Variants in COL5A2 observed in about 807,000 individuals in gnomAD.
COL5A2 encodes collagen type V alpha 2 chain.
A neutral mutation model predicts 208.2 loss-of-function variants in COL5A2; 23 were observed. That is an observed-to-expected ratio of 0.11 (90% CI 0.08 to 0.16). The LOEUF is 0.16. Among genes scored for constraint, COL5A2 ranks in the 10% least tolerant of loss-of-function variants. The pLI is 1.00. For missense variants in COL5A2, 1,590 were observed against 1,956.4 expected (o/e 0.81, Z 3.53); for synonymous variants, 625 against 628.5 (o/e 0.99, Z 0.08).
chr2:189,252,931 A>C, the COL5A2 span, among the ~76,000 whole-genome samples: 1 of 152,206 alleles, frequency 6.6e-6, no homozygotes, highest in East Asian at 1.9e-4. Context: ...GACTCCAGCC[A>C]GATTATAAAG....
At chr2:189,165,737 T>C (rs950452954) in intron 1 of COL5A2, among the ~76,000 whole-genome samples, 6 of 152,142 alleles carry the variant, frequency 3.9e-5, no homozygotes, top group African/African-American at 1.2e-4. Flanking sequence ...TTGTTAACTG[T>C]GTATTGAAAG....
At chr2:189,413,402 T>G in the COL5A2 span, among the ~76,000 whole-genome samples, 1 of 152,048 alleles carries the variant, frequency 6.6e-6, no homozygotes, top group Admixed American at 6.6e-5. Context: ...AGTCAACCAG[T>G]AAATCACTGC....
At chr2:189,249,646 A>G in the COL5A2 span, among the ~76,000 whole-genome samples, 303 of 152,328 alleles carry the variant, frequency 2.0e-3, no homozygotes, top group African/African-American at 6.8e-3. Context: ...ACACCACTCA[A>G]TCCCAAACTG....
the COL5A2 span, among the ~76,000 whole-genome samples, chr2:189,421,342 C>A: frequency 6.6e-6 from 1 of 152,224 alleles, no homozygotes; most frequent in East Asian, 1.9e-4. Flanking sequence ...TTAATTTGAA[C>A]AACTATCCAC....
chr2:189,380,262 T>G, the COL5A2 span, among the ~76,000 whole-genome samples: 1 of 152,018 alleles, frequency 6.6e-6, no homozygotes, highest in East Asian at 1.9e-4. Flanking sequence ...TCTCCCTTAT[T>G]TGGGATGTAC....
At chr2:189,353,246 T>G in the COL5A2 span, among the ~76,000 whole-genome samples, 9 of 152,308 alleles carry the variant, frequency 5.9e-5, no homozygotes, top group African/African-American at 1.7e-4. Context: ...TTGTTCTTTT[T>G]GCTTAGGAAT....
intron 7 of COL5A2, among the ~76,000 whole-genome samples, chr2:189,090,762 T>A (rs1054003197): frequency 1.1e-4 from 16 of 152,196 alleles, no homozygotes; most frequent in African/African-American, 3.6e-4. Flanking sequence ...TAACAGCACA[T>A]CTGTTTACAG....
At chr2:189,212,585 G>A (rs1352817571) in intron 1 of COL5A2, among the ~76,000 whole-genome samples, 2 of 151,140 alleles carry the variant, frequency 1.3e-5, no homozygotes, top group Non-Finnish European at 2.9e-5. Context: ...GTTGCAGTGA[G>A]CCGAGATCGT....
the COL5A2 span, among the ~76,000 whole-genome samples, chr2:189,340,236 C>T: frequency 1.3e-5 from 2 of 152,154 alleles, no homozygotes; most frequent in Non-Finnish European, 2.9e-5. Flanking sequence ...CATACCATTG[C>T]TGGAGTAGTG....
At chr2:189,312,531 C>T in the COL5A2 span, among the ~76,000 whole-genome samples, 6 of 152,190 alleles carry the variant, frequency 3.9e-5, no homozygotes, top group African/African-American at 1.4e-4. Flanking sequence ...AGTGGTGAAG[C>T]TCATGCCGTC....
intron 1 of COL5A2, among the ~76,000 whole-genome samples, chr2:189,221,300 T>C (rs760029483): frequency 1.4e-4 from 21 of 152,206 alleles, no homozygotes; most frequent in Non-Finnish European, 2.4e-4. Flanking sequence ...CATGCTTTTG[T>C]TGCAGTCTAA....
At chr2:189,334,175 C>T in the COL5A2 span, among the ~76,000 whole-genome samples, 51 of 151,990 alleles carry the variant, frequency 3.4e-4, no homozygotes, top group Admixed American at 5.9e-4. Context: ...AATAGTAAAA[C>T]GCTGAAGGCT....
At position 189,034,168 on chromosome 2, in the gene COL5A2, T is replaced by G. The variant is rs756550702; in HGVS notation, c.4402A>C (p.Asn1468His). 6.2e-7 allele frequency: 1 copy of G among 1,614,024 alleles called. No homozygotes were observed. Among genetic ancestry groups the G allele is most frequent in the Non-Finnish European group, 8.5e-7 (1 of 1,179,950 alleles). ...GKTVFEYRTQ[N>H]VARLPIIDLA... ...TCTATGATGGGCAAGCGTGCCACATTCTGTGTTCTATATTCAAAGACAGTC... is the reference window on the plus strand; with the variant it reads ...TCTATGATGGGCAAGCGTGCCACATGCTGTGTTCTATATTCAAAGACAGTC... The change falls in exon 54 of 54, where the codon AAT (asparagine) becomes CAT (histidine). Residue 1468 changes from asparagine to histidine, a missense_variant. Asn to His is a moderately conservative substitution (Grantham distance 68). Transcript: ENST00000374866.
chr2:189,306,049 TCA>T, the COL5A2 span, among the ~76,000 whole-genome samples: 6 of 152,302 alleles, frequency 3.9e-5, no homozygotes, highest in Admixed American at 3.3e-4. Context: ...CCAGCTTAGC[TCA>T]GAAGCAATGT....
intron 1 of COL5A2, among the ~76,000 whole-genome samples, chr2:189,134,727 G>A (rs978933577): frequency 1.3e-5 from 2 of 151,942 alleles, no homozygotes; most frequent in African/African-American, 4.8e-5. Flanking sequence ...ACAAACCAAG[G>A]GCAAATTTCA....
intron 1 of COL5A2, among the ~76,000 whole-genome samples, chr2:189,114,716 A>C (rs1295521318): frequency 6.6e-6 from 1 of 151,590 alleles, no homozygotes; most frequent in Non-Finnish European, 1.5e-5. Context: ...GAGGGAGAGC[A>C]TTAGTAAAAA....
At position 189,110,224 on chromosome 2, in the gene COL5A2, C is replaced by T; in HGVS notation, c.322+1G>A. On this transcript the variant is annotated splice_donor_variant, in intron 2 of 53. Transcript: ENST00000374866. LOFTEE classifies it high-confidence loss of function. ...TATGAGTTGGCCCTAAACATTCTTACCAAAATTGGTATTGCCACCTCCAGG... is the reference window on the plus strand; with the variant it reads ...TATGAGTTGGCCCTAAACATTCTTATCAAAATTGGTATTGCCACCTCCAGG... 2.5e-6 allele frequency: 4 copies of T among 1,607,518 alleles called. No homozygotes were observed. Among genetic ancestry groups the T allele is most frequent in the Non-Finnish European group, 3.4e-6 (4 of 1,174,316 alleles).
the COL5A2 span, among the ~76,000 whole-genome samples, chr2:189,417,274 A>C: frequency 0.036 from 5,461 of 152,236 alleles, 158 homozygotes; most frequent in Non-Finnish European, 0.057. Context: ...GGCATCACTA[A>C]ATATGATTTC....
At chr2:189,315,661 TA>T in the COL5A2 span, among the ~76,000 whole-genome samples, 1 of 152,188 alleles carries the variant, frequency 6.6e-6, no homozygotes, top group Non-Finnish European at 1.5e-5. Context: ...GCAGATGACA[TA>T]ATCCTGTATC....
Sources: gnomAD v4.1 joint callset for allele counts (sites outside exome capture counted in the v4.1 genomes callset) on GRCh38, gnomAD v4.1.1 for gene constraint, MANE v1.5 for transcripts, NCBI Gene and HGNC (gene_info 2026-07-23, HGNC 2026-07-21) for gene names.